GNB1: variants seen among roughly 807,000 people sequenced by gnomAD.
The protein encoded by GNB1 is G protein subunit beta 1, also known as guanine nucleotide-binding protein G(I)/G(S)/G(T) subunit beta-1.
Under a neutral mutation model 42.9 loss-of-function variants are expected in GNB1, and 2 were observed. That is an observed-to-expected ratio of 0.05 (90% CI 0.02 to 0.15). The LOEUF is 0.15. Ranked by LOEUF, GNB1 falls within the 10% of genes least tolerant of loss-of-function variation. GNB1 has a pLI of 1.00. For missense variants in GNB1, 193 were observed against 462.2 expected (o/e 0.42, Z 5.34); for synonymous variants, 183 against 174.7 (o/e 1.05, Z -0.38).
chr1:1,851,496 G>T (rs1039551586), intron 1 of GNB1, among the ~76,000 whole-genome samples: 3 of 151,414 alleles, frequency 2.0e-5, no homozygotes, highest in African/African-American at 7.3e-5. Context: ...CAGGAGAATC[G>T]CTTGAACCTG....
chr1:1,816,018 T>C (rs1557899048), intron 4 of GNB1, among the ~76,000 whole-genome samples, 156 bp from the exon 5 acceptor site: 1 of 152,336 alleles, frequency 6.6e-6, no homozygotes, highest in East Asian at 1.9e-4. Flanking sequence ...CATTCTGCAC[T>C]GAACCCCTTC....
At chr1:1,805,093 C>T (rs557099226) in intron 6 of GNB1, among the ~76,000 whole-genome samples, 10 of 152,124 alleles carry the variant, frequency 6.6e-5, no homozygotes, top group African/African-American at 2.2e-4. Flanking sequence ...ACCCGGGAGG[C>T]GGAGGTTGCA....
chr1:1,879,623 T>C (rs1355754665), intron 1 of GNB1, among the ~76,000 whole-genome samples: 1 of 149,570 alleles, frequency 6.7e-6, no homozygotes, highest in East Asian at 2.0e-4. Context: ...GAGAATGGCG[T>C]GAACCCAGGA....
intron 7 of GNB1, among the ~76,000 whole-genome samples, chr1:1,797,037 T>C (rs780460471): frequency 7.9e-5 from 12 of 152,092 alleles, no homozygotes; most frequent in Non-Finnish European, 1.5e-4. Flanking sequence ...GAGCACAGCA[T>C]GGGTGCACAC....
chr1:1,838,836 A>C (rs1490115510), intron 2 of GNB1, among the ~76,000 whole-genome samples: 1 of 152,242 alleles, frequency 6.6e-6, no homozygotes, highest in Admixed American at 6.5e-5. Context: ...CTGATTCAGA[A>C]GGTAAATCCT....
At chr1:1,827,580 G>T (rs761349780) in intron 2 of GNB1, among the ~76,000 whole-genome samples, 6 of 152,156 alleles carry the variant, frequency 3.9e-5, no homozygotes, top group Non-Finnish European at 8.8e-5. Context: ...ATAAATCCTA[G>T]CGACTGTGAT....
At chr1:1,802,779 A>C (rs1172652307) in intron 7 of GNB1, among the ~76,000 whole-genome samples, 1 of 151,618 alleles carries the variant, frequency 6.6e-6, no homozygotes, top group Admixed American at 6.6e-5. Context: ...AAAAAAAAAA[A>C]GACAATATGA....
chr1:1,799,941 G>A (rs1048674613), intron 7 of GNB1, among the ~76,000 whole-genome samples: 1 of 152,166 alleles, frequency 6.6e-6, no homozygotes, highest in African/African-American at 2.4e-5. Flanking sequence ...CCAGATATCC[G>A]ACACCTGAAG....
rs937093507 is a variant in GNB1 at position 1,836,940 on chromosome 1, TC to T, written c.-47+2249del. On this transcript the variant is annotated intron_variant, in intron 2 of 11. Transcript: ENST00000378609. ...TCGAACAACTGGCTTCAAGCAATCC[TC>T]CTCCCAAAGTGCTGGGATTACAGGT... Among the ~76,000 whole-genome samples the T allele has an allele frequency of 3.9e-4, 57 of 147,368 alleles. 1 individual carries two copies. The highest frequency in any genetic ancestry group is 1.2e-3 in the African/African-American group (47 of 40,048).
intron 1 of GNB1, among the ~76,000 whole-genome samples, chr1:1,886,168 A>G (rs1650144646): frequency 6.6e-6 from 1 of 152,018 alleles, no homozygotes; most frequent in Admixed American, 6.5e-5. Flanking sequence ...ATTTTAAAAA[A>G]TTATCCGGGC....
chr1:1,817,735 G>C, intron 4 of GNB1, 102 bp downstream of exon 4: 2 of 757,058 alleles, frequency 2.6e-6, no homozygotes, highest in South Asian at 1.5e-5. Context: ...TCCTCACTGC[G>C]CAACAGAGAA....
At chr1:1,812,473 C>T (rs1204591393) in intron 5 of GNB1, among the ~76,000 whole-genome samples, 3 of 152,052 alleles carry the variant, frequency 2.0e-5, no homozygotes, top group Non-Finnish European at 4.4e-5. Flanking sequence ...GAGGCAAACA[C>T]TGGCCTATCC....
In GNB1 at chr1:1,785,985, T is replaced by A. The variant is rs1257274372; in HGVS notation, c.*1078A>T. On this transcript the variant is annotated 3_prime_UTR_variant, in exon 12 of 12. Coordinates refer to ENST00000378609, the MANE Select transcript of GNB1 (RefSeq NM_002074.5). ...AGAAAAAGAACACCTAAGGACTGAG[T>A]CCCATATGCACTTTTGAGCATTTCT... 2.5e-6 allele frequency: 1 copy of A among 398,678 alleles called. No homozygotes were observed. Among genetic ancestry groups the A allele is most frequent in the Non-Finnish European group, 4.4e-6 (1 of 226,022 alleles). The allele number at this position is 398,678 out of a possible 1,614,324, so 24.7% of individuals were successfully genotyped here.
chr1:1,824,501 T>C (rs1646971935), intron 3 of GNB1, among the ~76,000 whole-genome samples: 1 of 152,204 alleles, frequency 6.6e-6, no homozygotes, highest in Non-Finnish European at 1.5e-5. Context: ...GACTGGAATT[T>C]AATGTTTTAG....
chr1:1,821,642 G>A (rs373643360), intron 3 of GNB1, among the ~76,000 whole-genome samples: 31 of 152,280 alleles, frequency 2.0e-4, no homozygotes, highest in African/African-American at 6.5e-4. Context: ...CTAACACAGC[G>A]CGGTTCCTGG....
intron 1 of GNB1, among the ~76,000 whole-genome samples, chr1:1,856,839 T>C (rs576955621): frequency 4.6e-5 from 7 of 152,358 alleles, no homozygotes; most frequent in African/African-American, 1.7e-4. Flanking sequence ...ACAGTTGATA[T>C]TTCATTTAAA....
chr1:1,817,477 A>C (rs1199379321), intron 4 of GNB1, among the ~76,000 whole-genome samples: 1 of 152,226 alleles, frequency 6.6e-6, no homozygotes, highest in Non-Finnish European at 1.5e-5. Context: ...GTCATACAAT[A>C]ATTCTATGTT....
intron 1 of GNB1, among the ~76,000 whole-genome samples, chr1:1,846,182 G>C (rs961897799): frequency 9.3e-5 from 14 of 150,980 alleles, no homozygotes; most frequent in African/African-American, 3.4e-4. Flanking sequence ...TCTAAAAAAA[G>C]AACACACAAG....
intron 1 of GNB1, among the ~76,000 whole-genome samples, chr1:1,841,971 A>C (rs1647255613): frequency 6.6e-6 from 1 of 152,244 alleles, no homozygotes; most frequent in Non-Finnish European, 1.5e-5. Flanking sequence ...GAATGGATGA[A>C]TAAAATGTGG....
Sources: gnomAD v4.1 joint callset for allele counts (sites outside exome capture counted in the v4.1 genomes callset) on GRCh38, gnomAD v4.1.1 for gene constraint, MANE v1.5 for transcripts, NCBI Gene and HGNC (gene_info 2026-07-23, HGNC 2026-07-21) for gene names.